PDE3A: variants seen among roughly 807,000 people sequenced by gnomAD.
The protein encoded by PDE3A is cGMP-inhibited 3',5'-cyclic phosphodiesterase 3A.
Under a neutral mutation model 98.3 loss-of-function variants are expected in PDE3A, and 43 were observed. The observed-to-expected ratio is 0.44, with a 90% CI of 0.34 to 0.56. The LOEUF (loss-of-function observed/expected upper bound fraction) is 0.56, where lower values mean the gene tolerates loss of function less well. PDE3A is among the 20% of genes least tolerant of loss of function. The pLI is 0.01. For missense variants in PDE3A, 1,427 were observed against 1,440.7 expected (o/e 0.99, Z 0.15); for synonymous variants, 663 against 567.9 (o/e 1.17, Z -2.38).
intron 1 of PDE3A, among the ~76,000 whole-genome samples, chr12:20,532,526 C>A (rs1372024012): frequency 2.6e-5 from 4 of 151,986 alleles, no homozygotes; most frequent in African/African-American, 9.7e-5. Context: ...CTGAGAGATT[C>A]TCTGGTTTCT....
chr12:20,594,929 T>C (rs1943428793), intron 2 of PDE3A, among the ~76,000 whole-genome samples: 1 of 152,090 alleles, frequency 6.6e-6, no homozygotes, highest in Non-Finnish European at 1.5e-5. Context: ...ATCGATACAT[T>C]ATAAAATTTT....
intron 1 of PDE3A, among the ~76,000 whole-genome samples, chr12:20,481,643 A>C (rs1244757923): frequency 6.6e-6 from 1 of 152,142 alleles, no homozygotes; most frequent in Admixed American, 6.5e-5. Flanking sequence ...TGTATTTTTA[A>C]GAACATTGAC....
intron 1 of PDE3A, among the ~76,000 whole-genome samples, chr12:20,549,727 A>G (rs1055591595): frequency 1.3e-5 from 2 of 152,104 alleles, no homozygotes; most frequent in African/African-American, 4.8e-5. Context: ...TTCAAATATA[A>G]TATAAAGATG....
chr12:20,545,243 G>T (rs1432573757), intron 1 of PDE3A, among the ~76,000 whole-genome samples: 1 of 152,042 alleles, frequency 6.6e-6, no homozygotes, highest in Non-Finnish European at 1.5e-5. Flanking sequence ...TGATAACAGG[G>T]ACAGATACAG....
chr12:20,378,706 T>C (rs1294274877), intron 1 of PDE3A, among the ~76,000 whole-genome samples: 1 of 151,888 alleles, frequency 6.6e-6, no homozygotes, highest in East Asian at 1.9e-4. Context: ...TGAAATGTCA[T>C]TGTAACACAC....
At chr12:20,505,531 G>A (rs994816123) in intron 1 of PDE3A, among the ~76,000 whole-genome samples, 3 of 151,988 alleles carry the variant, frequency 2.0e-5, no homozygotes, top group African/African-American at 7.2e-5. Flanking sequence ...GTAAGCATGT[G>A]CCATGGTGAA....
At chr12:20,609,376 A>G (rs1260695824) in intron 2 of PDE3A, among the ~76,000 whole-genome samples, 2 of 152,092 alleles carry the variant, frequency 1.3e-5, no homozygotes, top group South Asian at 2.1e-4. Flanking sequence ...AGATTTGTAC[A>G]TTGAAAATTA....
intron 1 of PDE3A, among the ~76,000 whole-genome samples, chr12:20,457,118 A>C (rs974135843): frequency 1.3e-5 from 2 of 152,090 alleles, no homozygotes; most frequent in African/African-American, 4.8e-5. Flanking sequence ...GTAGCAAGAA[A>C]ATTTCAAGCA....
At chr12:20,430,767 A>T (rs992943465) in intron 1 of PDE3A, among the ~76,000 whole-genome samples, 4 of 152,180 alleles carry the variant, frequency 2.6e-5, no homozygotes, top group Non-Finnish European at 5.9e-5. Flanking sequence ...TCAGTTCTCC[A>T]CTTTTAGTGT....
At chr12:20,553,981 G>T (rs1269229391) in intron 1 of PDE3A, among the ~76,000 whole-genome samples, 8 of 145,418 alleles carry the variant, frequency 5.5e-5, no homozygotes, top group Non-Finnish European at 1.1e-4. Flanking sequence ...TTACAAGAGG[G>T]TTTTTTTTTT....
At chr12:20,414,130 T>C (rs1473009573) in intron 1 of PDE3A, among the ~76,000 whole-genome samples, 1 of 152,204 alleles carries the variant, frequency 6.6e-6, no homozygotes, top group Non-Finnish European at 1.5e-5. Flanking sequence ...CATTATTGTA[T>C]GTTAATATAT....
intron 4 of PDE3A, among the ~76,000 whole-genome samples, chr12:20,618,624 G>A (rs1944064324): frequency 6.6e-6 from 1 of 152,036 alleles, no homozygotes; most frequent in Admixed American, 6.6e-5. Context: ...TCATTAGCCT[G>A]CCAGAATCTC....
rs186078772 is a variant in PDE3A, at chr12:20,635,100, G to A, written c.2001+44G>A. 9.8e-6 allele frequency: 15 copies of A among 1,538,364 alleles called. No homozygotes were observed. In the East Asian group the frequency reaches 3.2e-4, roughly 32 times the overall value. ...ACTCACTCATTTACTTGAGAGATGA[G>A]CTTCTGTTACAGATATTGGCTCAGA... On this transcript the variant is annotated intron_variant, in intron 8 of 15. Transcript: ENST00000359062.
chr12:20,671,481 C>T lies in PDE3A; in HGVS notation c.3185-8549C>T, dbSNP rs1410089054. On this transcript the variant is annotated intron_variant, in intron 15 of 15. Transcript: ENST00000359062. Reference sequence around the variant, plus strand: ...TACTGGCAAACTGAATCCAGCAGCACATCAAAAAGCTTATCCACAATGATC... The same window carrying T: ...TACTGGCAAACTGAATCCAGCAGCATATCAAAAAGCTTATCCACAATGATC... Among the ~76,000 whole-genome samples the T allele has an allele frequency of 1.0e-4, 10 of 100,274 alleles. No individual in the cohort carries two copies. In the East Asian group the frequency reaches 3.5e-3, roughly 35 times the overall value. The allele number at this position is 100,274 out of a possible 152,430, so 65.8% of individuals were successfully genotyped here.
chr12:20,650,713 T>C, intron 14 of PDE3A, 113 bp downstream of exon 14: 4 of 574,022 alleles, frequency 7.0e-6, no homozygotes, highest in Non-Finnish European at 1.1e-5. Flanking sequence ...ATTCATACTT[T>C]TGTCAGAAAA....
intron 2 of PDE3A, among the ~76,000 whole-genome samples, chr12:20,582,253 G>C (rs985697631): frequency 1.3e-5 from 2 of 152,052 alleles, no homozygotes; most frequent in Admixed American, 6.6e-5. Flanking sequence ...GAGTGCAGTG[G>C]CATGATCTTG....
At position 20,536,083 on chromosome 12, in the gene PDE3A, A is replaced by G. The variant is rs962197857; in HGVS notation, c.961-20577A>G. On this transcript the variant is annotated intron_variant, in intron 1 of 15. Coordinates refer to ENST00000359062, the MANE Select transcript of PDE3A (RefSeq NM_000921.5). ...AGACTCTGCAGGTGGAACTAATGTAAGTGGAAAGATTCCTAAATAATTCCA... is the reference window on the plus strand; with the variant it reads ...AGACTCTGCAGGTGGAACTAATGTAGGTGGAAAGATTCCTAAATAATTCCA... Among the ~76,000 whole-genome samples the G allele has an allele frequency of 9.9e-5, 15 of 152,270 alleles. No homozygotes were observed. The South Asian group carries it at 2.5e-3, about 25-fold the overall frequency.
chr12:20,656,425 G>T (rs1945046036), intron 15 of PDE3A, among the ~76,000 whole-genome samples: 1 of 152,100 alleles, frequency 6.6e-6, no homozygotes, highest in African/African-American at 2.4e-5. Flanking sequence ...ATCAGATCTG[G>T]CCTGTTAATT....
At chr12:20,547,744 A>AT (rs1942093706) in intron 1 of PDE3A, among the ~76,000 whole-genome samples, 1 of 151,954 alleles carries the variant, frequency 6.6e-6, no homozygotes, top group Non-Finnish European at 1.5e-5. Context: ...GTTGTGGTGA[A>AT]TTTTTTCTCC....
Sources: allele counts gnomAD v4.1 joint callset (sites outside exome capture counted in the v4.1 genomes callset), GRCh38; gene constraint gnomAD v4.1.1; transcripts MANE v1.5; gene names NCBI Gene and HGNC (gene_info 2026-07-23, HGNC 2026-07-21).